HLCS: variants seen among roughly 807,000 people sequenced by gnomAD.
The protein encoded by HLCS is biotin--protein ligase.
Under a neutral mutation model 75.0 loss-of-function variants are expected in HLCS, and 53 were observed. That is an observed-to-expected ratio of 0.71 (90% CI 0.57 to 0.89). The LOEUF (loss-of-function observed/expected upper bound fraction) is 0.89, where lower values mean the gene tolerates loss of function less well. Ranked by LOEUF, HLCS falls within the 40% of genes least tolerant of loss-of-function variation. The probability of loss-of-function intolerance (pLI) is 0.00; values close to 1 mark genes in which losing one functional copy is unlikely to be tolerated. For missense variants in HLCS, 966 were observed against 1,074.0 expected, an observed-to-expected ratio of 0.90 and a Z score of 1.41; for synonymous variants, 431 against 428.6, an observed-to-expected ratio of 1.01 and a Z score of -0.07.
chr21:36,906,490 C>T (rs1228686114), intron 5 of HLCS, among the ~76,000 whole-genome samples: 1 of 152,174 alleles, frequency 6.6e-6, no homozygotes, highest in East Asian at 1.9e-4. Flanking sequence ...CATGATGGCA[C>T]CACTGCACTC....
At chr21:36,765,223 C>CGTG in intron 7 of HLCS, 51 bp from the exon 8 acceptor site, 1 of 1,559,716 alleles carries the variant, frequency 6.4e-7, no homozygotes, top group African/African-American at 1.4e-5. Context: ...CGTGGACAGA[C>CGTG]GCAGACACAC....
At chr21:36,973,162 C>A (rs1405672725) in intron 1 of HLCS, among the ~76,000 whole-genome samples, 1 of 149,792 alleles carries the variant, frequency 6.7e-6, no homozygotes, top group Non-Finnish European at 1.5e-5. Context: ...CCCAGAAGGT[C>A]AAGGCTTCAG....
chr21:36,777,004 C>T (rs2060380051), intron 6 of HLCS, among the ~76,000 whole-genome samples: 1 of 151,970 alleles, frequency 6.6e-6, no homozygotes, highest in Non-Finnish European at 1.5e-5. Flanking sequence ...CCCATATGTC[C>T]CCTTCCCCAA....
chr21:36,926,705 T>A (rs2066421574), intron 5 of HLCS, among the ~76,000 whole-genome samples: 1 of 150,830 alleles, frequency 6.6e-6, no homozygotes, highest in South Asian at 2.1e-4. Flanking sequence ...CACAAATAAG[T>A]CCCATATATA....
At chr21:36,945,573 T>G (rs561799983) in intron 2 of HLCS, among the ~76,000 whole-genome samples, 10 of 152,322 alleles carry the variant, frequency 6.6e-5, no homozygotes, top group Admixed American at 5.9e-4. Flanking sequence ...AGGTCCCATA[T>G]TCTATGAGGC....
At chr21:36,888,461 TATATATATATATATATATATATATATATA>T (rs2064608668) in intron 6 of HLCS, among the ~76,000 whole-genome samples, 1 of 21,970 alleles carries the variant, frequency 4.6e-5, no homozygotes, top group Non-Finnish European at 1.0e-4. Flanking sequence ...TATATATATA[TATATATATATATATATATATATATATATA>T]TATATATTTA....
At chr21:36,809,683 T>C (rs1367978583) in intron 6 of HLCS, among the ~76,000 whole-genome samples, 1 of 152,240 alleles carries the variant, frequency 6.6e-6, no homozygotes, top group African/African-American at 2.4e-5. Flanking sequence ...TCTGCTGAGC[T>C]ATCTTATCTT....
At chr21:36,944,892 G>A (rs566433558) in intron 2 of HLCS, among the ~76,000 whole-genome samples, 2 of 152,288 alleles carry the variant, frequency 1.3e-5, no homozygotes, top group African/African-American at 4.8e-5. Flanking sequence ...GGAGGCTGAG[G>A]CGGGTGGATC....
At chr21:36,786,349 A>G (rs189549960) in intron 6 of HLCS, among the ~76,000 whole-genome samples, 22 of 152,222 alleles carry the variant, frequency 1.4e-4, no homozygotes, top group Admixed American at 1.1e-3. Flanking sequence ...AACACGCTCA[A>G]ATAAGGAAGG....
chr21:36,966,741 G>T, upstream of HLCS: 1 of 419,440 alleles, frequency 2.4e-6, no homozygotes, highest in Non-Finnish European at 3.2e-6. Context: ...CCCGGGCCAG[G>T]CGGCGCGGGG....
Position 36,949,158 on chromosome 21 carries a change from C to T in HLCS, c.331-10164G>A, listed in dbSNP as rs114633029. ...ATCCCAAGTGGTTTAGTTACCCACTCATGTGTAACAAACCACCCCAAAATT... is the reference window on the plus strand; with the variant it reads ...ATCCCAAGTGGTTTAGTTACCCACTTATGTGTAACAAACCACCCCAAAATT... On this transcript the variant is annotated intron_variant, in intron 2 of 10. Coordinates refer to ENST00000674895, the MANE Select transcript of HLCS (RefSeq NM_001352514.2). 6.8e-3 allele frequency among the ~76,000 whole-genome samples: 1,040 copies of T among 152,308 alleles called. 11 individuals carry two copies. The highest frequency in any genetic ancestry group is 0.024 in the African/African-American group (1,013 of 41,556).
At chr21:36,946,476 A>G (rs2067400966) in intron 2 of HLCS, among the ~76,000 whole-genome samples, 1 of 152,038 alleles carries the variant, frequency 6.6e-6, no homozygotes, top group Non-Finnish European at 1.5e-5. Flanking sequence ...TCCTGAGCTC[A>G]AGCGACCCTC....
At chr21:36,974,018 A>G (rs73901987) in intron 1 of HLCS, 4,826 of 152,582 alleles carry the variant, frequency 0.032, 182 homozygotes, top group African/African-American at 0.09. Context: ...AAACAAACGG[A>G]CACACACCAC....
intron 6 of HLCS, among the ~76,000 whole-genome samples, chr21:36,847,416 G>A (rs140183439): frequency 1.1e-3 from 174 of 152,320 alleles, no homozygotes; most frequent in Middle Eastern, 6.8e-3. Flanking sequence ...CATGGTGCCA[G>A]CAGCATCAGT....
At chr21:36,853,163 G>C (rs1399246703) in intron 6 of HLCS, among the ~76,000 whole-genome samples, 1 of 152,120 alleles carries the variant, frequency 6.6e-6, no homozygotes, top group East Asian at 1.9e-4. Context: ...AGGGCACACA[G>C]GTACAAATGG....
chr21:36,773,468 CCCT>C (rs1313920624), intron 6 of HLCS, among the ~76,000 whole-genome samples: 1 of 152,256 alleles, frequency 6.6e-6, no homozygotes, highest in Non-Finnish European at 1.5e-5. Flanking sequence ...ACACCCCAAA[CCCT>C]CCTAAGTCTG....
chr21:36,855,594 G>C lies in HLCS; in HGVS notation c.1892+41266C>G, dbSNP rs2063163002. Among the ~76,000 whole-genome samples the C allele has an allele frequency of 2.1e-5, 3 of 142,402 alleles. No homozygotes were observed. In the South Asian group the frequency reaches 7.1e-4, roughly 33 times the overall value. 93.4% of individuals were successfully genotyped at this position (142,402 alleles called of 152,430 possible). ...AGGTGGCAGTACAAAATGTTTGTTTGTTTGTAGACAGGATCTCGCTCTATT... is the reference window on the plus strand; with the variant it reads ...AGGTGGCAGTACAAAATGTTTGTTTCTTTGTAGACAGGATCTCGCTCTATT... On this transcript the variant is annotated intron_variant, in intron 6 of 10. Transcript: ENST00000674895.
At chr21:36,881,812 C>T (rs1215087207) in intron 6 of HLCS, among the ~76,000 whole-genome samples, 1 of 152,170 alleles carries the variant, frequency 6.6e-6, no homozygotes, top group Non-Finnish European at 1.5e-5. Flanking sequence ...TCCCAGGACC[C>T]ATGTGGACAG....
rs771694153 is a variant in HLCS, at chr21:36,896,979, C to T, written c.1773G>A (p.Glu591=). 1.9e-6 allele frequency: 3 copies of T among 1,614,192 alleles called. No individual in the cohort carries two copies. Among genetic ancestry groups the T allele is most frequent in the East Asian group, 4.5e-5 (2 of 44,888 alleles). The part of the protein sequence containing the change: ...PSCIPVVTNM[E]AFSSEHFNLE... ...AGTTGAAATGTTCTGATGAGAAGGC[C>T]TCCATGTTGGTCACCACAGGTATAC... Residue 591 remains glutamate, a synonymous_variant, in exon 6 of 11, where the codon GAG becomes GAA. Transcript: ENST00000674895.
Sources: allele counts gnomAD v4.1 joint callset (sites outside exome capture counted in the v4.1 genomes callset), GRCh38; gene constraint gnomAD v4.1.1; transcripts MANE v1.5; gene names NCBI Gene and HGNC (gene_info 2026-07-23, HGNC 2026-07-21).